CDC25A: variants seen among roughly 807,000 people sequenced by gnomAD.
CDC25A encodes the protein cell division cycle 25A, also known as M-phase inducer phosphatase 1.
In CDC25A, 17 loss-of-function variants were observed where a neutral mutation model predicts 64.6. The observed-to-expected ratio is 0.26, with a 90% CI of 0.18 to 0.39. The LOEUF (loss-of-function observed/expected upper bound fraction) is 0.39, where lower values mean the gene tolerates loss of function less well. Ranked by LOEUF, CDC25A falls within the 10% of genes least tolerant of loss-of-function variation. The pLI is 1.00. For missense variants in CDC25A, 473 were observed against 654.8 expected, an observed-to-expected ratio of 0.72 and a Z score of 3.03; for synonymous variants, 229 against 238.6, an observed-to-expected ratio of 0.96 and a Z score of 0.37.
At chr3:48,183,861 A>T (rs770117204) in intron 3 of CDC25A, 25 bp from the exon 4 acceptor site, 1 of 1,457,272 alleles carries the variant, frequency 6.9e-7, no homozygotes, top group East Asian at 2.3e-5. Flanking sequence ...GAAGGTAAAT[A>T]ATGAGAATAA....
intron 13 of CDC25A, among the ~76,000 whole-genome samples, chr3:48,162,297 TGA>T (rs1553767748): frequency 0.021 from 3,116 of 149,756 alleles, 79 homozygotes; most frequent in African/African-American, 0.072. Context: ...TGTGTGTGTG[TGA>T]GAGAGAGACA....
chr3:48,188,028 T>A lies in CDC25A; in HGVS notation c.-81A>T. On this transcript the variant is annotated 5_prime_UTR_variant, in exon 1 of 15. Coordinates refer to ENST00000302506, the MANE Select transcript of CDC25A (RefSeq NM_001789.3). Reference sequence around the variant, plus strand: ...CCGCCCCGCCCCGCCGACACCGGCCTCGGCCGCGCGCCACCGGCGCCCGCG... The same window carrying A: ...CCGCCCCGCCCCGCCGACACCGGCCACGGCCGCGCGCCACCGGCGCCCGCG... 1 of 1,173,902 alleles carries A rather than the reference T, an allele frequency of 8.5e-7. No homozygotes were observed. The highest frequency in any genetic ancestry group is 1.1e-6 in the Non-Finnish European group (1 of 928,538). 72.7% of individuals were successfully genotyped at this position (1,173,902 alleles called of 1,614,324 possible).
At chr3:48,177,830 A>AACAC (rs3731514) in intron 7 of CDC25A, 24 bp downstream of exon 7, 5 of 1,474,156 alleles carry the variant, frequency 3.4e-6, no homozygotes, top group East Asian at 4.8e-5. Context: ...AACAAATAGG[A>AACAC]ACACACACAC....
intron 8 of CDC25A, among the ~76,000 whole-genome samples, chr3:48,176,590 G>A (rs923798923): frequency 1.0e-4 from 15 of 143,100 alleles, no homozygotes; most frequent in South Asian, 4.4e-4. Flanking sequence ...TTTTAAAATC[G>A]AAAATATCTA....
chr3:48,186,741 T>C lies in CDC25A; in HGVS notation c.209A>G (p.Asn70Ser). The C allele has an allele frequency of 1.9e-6, 3 of 1,602,996 alleles. No individual in the cohort carries two copies. The highest frequency in any genetic ancestry group is 2.6e-6 in the Non-Finnish European group (3 of 1,172,940). The change falls in exon 2 of 15, where the codon AAT (asparagine) becomes AGT (serine). Residue 70 changes from asparagine to serine, a missense_variant. Asn to Ser is a conservative substitution (Grantham distance 46). Around this residue, in one of 2 missense-constraint regions of CDC25A, gnomAD observed 376 missense variants for 431.9 expected, o/e 0.87. Transcript: ENST00000302506. Reference sequence around the variant, plus strand: ...CTCGGAGGAGCCCATTCTCTGCAGATTACTGTTGTTCTTCACCTCCAGTGG... The same window carrying C: ...CTCGGAGGAGCCCATTCTCTGCAGACTACTGTTGTTCTTCACCTCCAGTGG... ...EQPLEVKNNS[N>S]LQRMGSSEST... is the part of the protein sequence containing the mutation.
intron 13 of CDC25A, among the ~76,000 whole-genome samples, chr3:48,162,284 G>GTGTA (rs1274664148): frequency 1.3e-5 from 2 of 150,978 alleles, no homozygotes; most frequent in Non-Finnish European, 2.9e-5. Flanking sequence ...GTGTGTGTGT[G>GTGTA]TGTGTGTGTG....
At chr3:48,183,519 A>T (rs758137913) in intron 4 of CDC25A, among the ~76,000 whole-genome samples, 1 of 152,144 alleles carries the variant, frequency 6.6e-6, no homozygotes, top group Non-Finnish European at 1.5e-5. Flanking sequence ...TCTACAAAAA[A>T]TACAAAAATC....
At chr3:48,185,422 CAAAAAAAAA>C (rs35677711) in intron 2 of CDC25A, among the ~76,000 whole-genome samples, 2 of 89,460 alleles carry the variant, frequency 2.2e-5, no homozygotes, top group Non-Finnish European at 4.5e-5. Context: ...GACCCTGTCT[CAAAAAAAAA>C]AAAAAAAAAA....
chr3:48,181,033 T>C (rs888693023), intron 5 of CDC25A, among the ~76,000 whole-genome samples, 193 bp from the exon 6 acceptor site: 1 of 152,218 alleles, frequency 6.6e-6, no homozygotes, highest in Non-Finnish European at 1.5e-5. Flanking sequence ...AAGTAACATC[T>C]TTTTCTTGTC....
In CDC25A at chr3:48,177,425, G is replaced by C; in HGVS notation, c.702C>G (p.Pro234=). 5 of 1,613,532 alleles carry C rather than the reference G, an allele frequency of 3.1e-6. No homozygotes were observed. Among genetic ancestry groups the C allele is most frequent in the Non-Finnish European group, 4.2e-6 (5 of 1,179,488 alleles). Residue 234 remains proline, a synonymous_variant, in exon 8 of 15, where the codon CCC becomes CCG. Coordinates refer to ENST00000302506, the MANE Select transcript of CDC25A (RefSeq NM_001789.3). The part of the protein sequence containing the change: ...GENLKNEEET[P]SCMASLWTAP... ...CTGTCCAGAGGCTTGCCATGCACGA[G>C]GGGGTCTCCTCCTCATTCTAAAGAA...
At chr3:48,177,671 A>G (rs1352602532) in intron 7 of CDC25A, among the ~76,000 whole-genome samples, 183 bp downstream of exon 7, 1 of 152,168 alleles carries the variant, frequency 6.6e-6, no homozygotes, top group Non-Finnish European at 1.5e-5. Flanking sequence ...CCCATCCCCC[A>G]ATCCAAAGGA....
intron 9 of CDC25A, among the ~76,000 whole-genome samples, chr3:48,169,030 T>TA (rs369013987): frequency 5.9e-4 from 90 of 152,338 alleles, no homozygotes; most frequent in African/African-American, 2.1e-3. Flanking sequence ...ATAATACTTG[T>TA]AATACACAGA....
Position 48,164,310 on chromosome 3 carries a change from C to T in CDC25A, c.1319G>A (p.Arg440His), listed in dbSNP as rs2031913257. Reference protein sequence around the residue: ...HCEFSSERGPRMCRYVRERDR... With the variant: ...HCEFSSERGPHMCRYVRERDR... ...CCCAGTTCCGTGCAGCACTCACATG[C>T]GGGGACCTCTCTCAGAAGAAAACTC... Residue 440 changes from arginine to histidine, a missense_variant, in exon 13 of 15, where the codon CGC becomes CAC. Arg to His is a conservative substitution (Grantham distance 29, BLOSUM62 0). Coordinates refer to ENST00000302506, the MANE Select transcript of CDC25A (RefSeq NM_001789.3). 1.3e-6 allele frequency: 2 copies of T among 1,583,248 alleles called. No individual in the cohort carries two copies. The highest frequency in any genetic ancestry group is 1.7e-6 in the Non-Finnish European group (2 of 1,166,740).
rs181225860 is a variant in CDC25A, at chr3:48,160,811, T to C, written c.1323-1356A>G. On this transcript the variant is annotated intron_variant, in intron 13 of 14. Transcript: ENST00000302506. ...GCCTTTGTTAGCTGCTCATGAGGGA[T>C]GGGCAGCAGCTTCCTCTGCAGCACG... Among the ~76,000 whole-genome samples, 553 of 152,232 alleles carry C rather than the reference T, an allele frequency of 3.6e-3. 3 individuals are homozygous for C. Among genetic ancestry groups the C allele is most frequent in the African/African-American group, 0.013 (520 of 41,546 alleles).
intron 6 of CDC25A, among the ~76,000 whole-genome samples, chr3:48,178,884 A>C (rs2106744986): frequency 6.6e-6 from 1 of 152,270 alleles, no homozygotes; most frequent in African/African-American, 2.4e-5. Flanking sequence ...TGAATTATTT[A>C]TTTTCTAGGC....
At chr3:48,184,843 C>T (rs1052726576) in intron 2 of CDC25A, 148 bp from the exon 3 acceptor site, 22 of 605,578 alleles carry the variant, frequency 3.6e-5, no homozygotes, top group Non-Finnish European at 5.5e-5. Context: ...ATTGATGTTA[C>T]GTCTATTAGA....
intron 9 of CDC25A, among the ~76,000 whole-genome samples, chr3:48,171,529 TA>T: frequency 6.6e-6 from 1 of 151,468 alleles, no homozygotes; most frequent in South Asian, 2.1e-4. Flanking sequence ...TACAGGCTCA[TA>T]CCACCACACC....
intron 5 of CDC25A, chr3:48,181,762 G>A (rs2032678087): frequency 3.4e-6 from 2 of 595,130 alleles, no homozygotes; most frequent in Admixed American, 2.7e-5. Flanking sequence ...ACATTTTAAA[G>A]TTCTGAGAGA....
At chr3:48,162,574 G>C (rs942792729) in intron 13 of CDC25A, among the ~76,000 whole-genome samples, 2 of 152,006 alleles carry the variant, frequency 1.3e-5, no homozygotes, top group South Asian at 4.1e-4. Context: ...CAGGTCAGGC[G>C]CAGTGGCTCA....
Sources: gnomAD v4.1 joint callset for allele counts (sites outside exome capture counted in the v4.1 genomes callset) on GRCh38, gnomAD v4.1.1 for gene constraint, gnomAD v4.1.1 regional missense constraint, MANE v1.5 for transcripts, NCBI Gene and HGNC (gene_info 2026-07-23, HGNC 2026-07-21) for gene names.